Variants in LDB2 observed in about 807,000 individuals in gnomAD.
The protein encoded by LDB2 is LIM domain-binding protein 2.
LDB2 carries 12 observed loss-of-function variants against 44.3 expected under a neutral mutation model. The ratio of observed to expected loss-of-function variants is 0.27; its 90% CI spans 0.17 to 0.44. LDB2 has a LOEUF of 0.44. LDB2 is among the 20% of genes least tolerant of loss of function. The probability of loss-of-function intolerance (pLI) is 1.00; values close to 1 mark genes in which losing one functional copy is unlikely to be tolerated. For synonymous variants in LDB2, 164 were observed against 174.8 expected (o/e 0.94, Z 0.49); for missense variants, 344 against 473.5 (o/e 0.73, Z 2.54).
At chr4:16,559,406 G>T (rs1166397107) in intron 5 of LDB2, among the ~76,000 whole-genome samples, 1 of 151,980 alleles carries the variant, frequency 6.6e-6, no homozygotes, top group Non-Finnish European at 1.5e-5. Flanking sequence ...AAAAGGCAGG[G>T]GTTGCAATCC....
chr4:16,851,330 G>T (rs2110186631), intron 1 of LDB2, among the ~76,000 whole-genome samples: 1 of 152,172 alleles, frequency 6.6e-6, no homozygotes, highest in South Asian at 2.1e-4. Flanking sequence ...ATAGTATGGG[G>T]AGTAAATGGA....
chr4:16,504,934 C>T (rs1718769967), intron 7 of LDB2, among the ~76,000 whole-genome samples: 1 of 152,124 alleles, frequency 6.6e-6, no homozygotes, highest in Non-Finnish European at 1.5e-5. Context: ...CGTCACAGGG[C>T]AGGAGAAGGA....
chr4:16,648,252 G>C (rs571083639), intron 2 of LDB2, among the ~76,000 whole-genome samples: 1 of 152,286 alleles, frequency 6.6e-6, no homozygotes, highest in African/African-American at 2.4e-5. Context: ...CTTTAGCCCA[G>C]AGCTCCAAAC....
At chr4:16,754,319 G>T (rs1248751511) in intron 2 of LDB2, among the ~76,000 whole-genome samples, 2 of 152,164 alleles carry the variant, frequency 1.3e-5, no homozygotes, top group African/African-American at 4.8e-5. Flanking sequence ...CTCCCACCTG[G>T]CCAGGGAGCC....
At chr4:16,697,274 C>CACACACACACAG (rs1472580769) in intron 2 of LDB2, among the ~76,000 whole-genome samples, 3 of 143,884 alleles carry the variant, frequency 2.1e-5, no homozygotes, top group African/African-American at 7.5e-5. Flanking sequence ...AATACACACA[C>CACACACACACAG]ACACACACAC....
In LDB2 at chr4:16,766,466, A is replaced by ATG. The variant is rs1491271485; in HGVS notation, c.133-7207_133-7206insCA. Among the ~76,000 whole-genome samples the ATG allele has an allele frequency of 3.2e-3, 198 of 61,210 alleles. 2 individuals carry two copies. The highest frequency in any genetic ancestry group is 0.01 in the African/African-American group (192 of 18,734). 40.2% of individuals were successfully genotyped at this position (61,210 alleles called of 152,430 possible). A position where few individuals can be genotyped will look rare whatever the true frequency, so the allele number is the denominator to read the frequency against. On this transcript the variant is annotated intron_variant, in intron 1 of 7. Coordinates refer to ENST00000304523, the MANE Select transcript of LDB2 (RefSeq NM_001290.5). ...TGTGTGTATATATATACACACACAT[A>ATG]TATGTGTGTGTGTGTGTGTGTGTGT...
chr4:16,672,997 T>C (rs931901868), intron 2 of LDB2, among the ~76,000 whole-genome samples: 1 of 151,676 alleles, frequency 6.6e-6, no homozygotes, highest in Non-Finnish European at 1.5e-5. Flanking sequence ...TTCCCTTCCT[T>C]TCTTTCTTCT....
chr4:16,738,199 A>G (rs1762283194), intron 2 of LDB2, among the ~76,000 whole-genome samples: 1 of 152,224 alleles, frequency 6.6e-6, no homozygotes, highest in African/African-American at 2.4e-5. Flanking sequence ...GAACCTAAAA[A>G]TGGGACGTCT....
chr4:16,858,735 T>C (rs1420143874), intron 1 of LDB2, among the ~76,000 whole-genome samples: 3 of 152,202 alleles, frequency 2.0e-5, no homozygotes, highest in Non-Finnish European at 4.4e-5. Context: ...GATTTATTTT[T>C]TTAAACTATC....
chr4:16,727,879 G>A (rs76652016), intron 2 of LDB2, among the ~76,000 whole-genome samples: 1,560 of 152,218 alleles, frequency 0.01, 22 homozygotes, highest in Non-Finnish European at 0.015. Context: ...AGGAGCATGG[G>A]TCATTATCTA....
intron 3 of LDB2, 141 bp from the exon 4 acceptor site, chr4:16,588,973 T>C (rs1004357976): frequency 7.7e-6 from 6 of 775,088 alleles, no homozygotes; most frequent in Non-Finnish European, 1.3e-5. Context: ...ACGAGTGATG[T>C]GTCCACTGCA....
chr4:16,759,596 T>G (rs753258923), intron 1 of LDB2, among the ~76,000 whole-genome samples: 27 of 152,250 alleles, frequency 1.8e-4, no homozygotes, highest in Non-Finnish European at 3.2e-4. Context: ...ACTTGACTTT[T>G]TTTTCTCTTT....
chr4:16,585,788 CAT>C (rs1491010631), intron 5 of LDB2, 132 bp downstream of exon 5: 2 of 617,298 alleles, frequency 3.2e-6, no homozygotes, highest in Middle Eastern at 3.3e-4. Flanking sequence ...CACACACACA[CAT>C]ACATCTGGTA....
intron 2 of LDB2, among the ~76,000 whole-genome samples, chr4:16,754,926 G>A (rs1054245870): frequency 6.6e-6 from 1 of 152,146 alleles, no homozygotes; most frequent in Non-Finnish European, 1.5e-5. Context: ...TGTTTGCATT[G>A]AACCCCTGTT....
chr4:16,528,013 A>G (rs527463426), intron 5 of LDB2, among the ~76,000 whole-genome samples: 76 of 152,264 alleles, frequency 5.0e-4, no homozygotes, highest in Non-Finnish European at 8.8e-4. Context: ...ATATATATAT[A>G]TACACTACTT....
intron 2 of LDB2, among the ~76,000 whole-genome samples, chr4:16,733,797 C>T (rs1307405139): frequency 6.6e-6 from 1 of 152,176 alleles, no homozygotes. Context: ...ACACAAACCA[C>T]CCTAGTCATC....
chr4:16,665,487 G>A (rs1426380953), intron 2 of LDB2, among the ~76,000 whole-genome samples: 3 of 151,982 alleles, frequency 2.0e-5, no homozygotes, highest in African/African-American at 7.2e-5. Context: ...GGATGGCCTC[G>A]ATCTCCTGAC....
At chr4:16,643,760 A>T (rs1560736655) in intron 2 of LDB2, among the ~76,000 whole-genome samples, 1 of 152,140 alleles carries the variant, frequency 6.6e-6, no homozygotes, top group African/African-American at 2.4e-5. Context: ...CGTTGTTTAA[A>T]TAAAAAAAAA....
intron 2 of LDB2, among the ~76,000 whole-genome samples, chr4:16,679,651 G>T (rs1302978927): frequency 6.6e-6 from 1 of 152,152 alleles, no homozygotes; most frequent in Non-Finnish European, 1.5e-5. Flanking sequence ...CTCCATAGCT[G>T]CTGGTGATGG....
Sources: allele counts gnomAD v4.1 joint callset (sites outside exome capture counted in the v4.1 genomes callset), GRCh38; gene constraint gnomAD v4.1.1; transcripts MANE v1.5; gene names NCBI Gene and HGNC (gene_info 2026-07-23, HGNC 2026-07-21).